The following LONP2 variants were observed in gnomAD, a reference collection of about 807,000 sequenced individuals.
LONP2 encodes the protein lon protease homolog 2, peroxisomal.
A neutral mutation model predicts 85.6 loss-of-function variants in LONP2; 60 were observed. That is an observed-to-expected ratio of 0.70 (90% CI 0.57 to 0.87). The LOEUF (loss-of-function observed/expected upper bound fraction) is 0.87, where lower values mean the gene tolerates loss of function less well. Among genes scored for constraint, LONP2 ranks in the 40% least tolerant of loss-of-function variants. The probability of loss-of-function intolerance (pLI) is 0.00; values close to 1 mark genes in which losing one functional copy is unlikely to be tolerated. For missense variants in LONP2, 860 were observed against 1,063.5 expected, an observed-to-expected ratio of 0.81 and a Z score of 2.66; for synonymous variants, 395 against 389.7, an observed-to-expected ratio of 1.01 and a Z score of -0.16.
At chr16:48,260,013 C>T (rs1291277731) in intron 4 of LONP2, among the ~76,000 whole-genome samples, 3 of 152,038 alleles carry the variant, frequency 2.0e-5, no homozygotes, top group Non-Finnish European at 2.9e-5. Flanking sequence ...TTTTTGTTCC[C>T]CTAAGAGTTG....
chr16:48,343,555 G>A (rs185510587), intron 12 of LONP2, among the ~76,000 whole-genome samples: 72 of 152,006 alleles, frequency 4.7e-4, no homozygotes, highest in African/African-American at 6.0e-4. Context: ...AAAATTAGCC[G>A]GGCATGGTGA....
chr16:48,351,563 T>G lies in LONP2; in HGVS notation c.2338-18T>G. On this transcript the variant is annotated intron_variant, in intron 14 of 14. Transcript: ENST00000285737. ...GAGGGTGATCATTAACCCTAAAAAC[T>G]TTTTTCTCTCCTTACAGGTGGGTGG... The G allele has an allele frequency of 6.2e-7, 1 of 1,607,252 alleles. No homozygotes were observed.
intron 8 of LONP2, among the ~76,000 whole-genome samples, chr16:48,290,482 G>A (rs1457314764): frequency 2.6e-5 from 4 of 152,134 alleles, no homozygotes; most frequent in Admixed American, 6.5e-5. Context: ...GATGCCAGTC[G>A]TGAGTTGACT....
intron 14 of LONP2, among the ~76,000 whole-genome samples, 155 bp from the exon 15 acceptor site, chr16:48,351,426 T>C (rs903293209): frequency 6.6e-6 from 1 of 152,234 alleles, no homozygotes; most frequent in African/African-American, 2.4e-5. Context: ...CTTATCCTTT[T>C]TCCTGGCTTT....
chr16:48,264,621 G>C (rs550478285), intron 6 of LONP2, among the ~76,000 whole-genome samples: 1 of 152,216 alleles, frequency 6.6e-6, no homozygotes, highest in South Asian at 2.1e-4. Flanking sequence ...ATCCTCCTTG[G>C]CTGACAGGAT....
Position 48,247,133 on chromosome 16 carries a change from C to A in LONP2, c.233+2512C>A, listed in dbSNP as rs566791590. 2.6e-5 allele frequency among the ~76,000 whole-genome samples: 4 copies of A among 152,386 alleles called. No homozygotes were observed. In the East Asian group the frequency reaches 7.7e-4, roughly 29 times the overall value. ...AAGTATTGTTTGCTACTTAAAAAGC[C>A]TATGTGGAAAGATTGTACCATATTC... On this transcript the variant is annotated intron_variant, in intron 1 of 14. Coordinates refer to ENST00000285737, the MANE Select transcript of LONP2 (RefSeq NM_031490.5).
intron 6 of LONP2, among the ~76,000 whole-genome samples, chr16:48,265,544 T>G (rs1209195170): frequency 6.6e-6 from 1 of 151,474 alleles, no homozygotes; most frequent in East Asian, 1.9e-4. Flanking sequence ...ACTTTATAGG[T>G]TTATTTCTGG....
intron 6 of LONP2, among the ~76,000 whole-genome samples, chr16:48,264,619 T>G (rs1971951388): frequency 6.6e-6 from 1 of 152,164 alleles, no homozygotes; most frequent in South Asian, 2.1e-4. Flanking sequence ...ACATCCTCCT[T>G]GGCTGACAGG....
rs115924041 is a variant in LONP2, at chr16:48,298,874, A to G, written c.1535-788A>G. 7.4e-3 allele frequency among the ~76,000 whole-genome samples: 1,130 copies of G among 151,916 alleles called. 14 individuals are homozygous for G. Among genetic ancestry groups the G allele is most frequent in the African/African-American group, 0.025 (1,052 of 41,422 alleles). Reference sequence around the variant, plus strand: ...TGTGAAAACGTTGGAAATTTTAACAATTATTGACTTAGATCAAATTTCTTT... The same window carrying G: ...TGTGAAAACGTTGGAAATTTTAACAGTTATTGACTTAGATCAAATTTCTTT... On this transcript the variant is annotated intron_variant, in intron 9 of 14. Coordinates refer to ENST00000285737, the MANE Select transcript of LONP2 (RefSeq NM_031490.5).
At chr16:48,359,120 G>GTCT (rs1960481413), downstream of LONP2, among the ~76,000 whole-genome samples, 1 of 151,914 alleles carries the variant, frequency 6.6e-6, no homozygotes, top group Non-Finnish European at 1.5e-5. Flanking sequence ...CCCTAATAGG[G>GTCT]TGTGCCATCA....
rs757066210 is a variant in LONP2, at chr16:48,261,488, A to G, written c.788A>G (p.Glu263Gly). The change falls in exon 5 of 15, where the codon GAA (glutamate) becomes GGA (glycine). Residue 263 changes from glutamate (E) to glycine (G), a missense_variant. Transcript: ENST00000285737. ...HISGTLEDEDEDEDNDDIVML... is the reference protein window; with the variant it reads ...HISGTLEDEDGDEDNDDIVML... ...TCAGGTACTTTAGAAGATGAAGATG[A>G]AGATGAAGATAATGATGACATTGTC... The G allele has an allele frequency of 3.1e-6, 5 of 1,608,904 alleles. No individual in the cohort carries two copies. The African/African-American group carries it at 5.4e-5, about 17-fold the overall frequency.
At chr16:48,305,047 G>A (rs1972884575) in intron 11 of LONP2, among the ~76,000 whole-genome samples, 1 of 152,158 alleles carries the variant, frequency 6.6e-6, no homozygotes, top group Non-Finnish European at 1.5e-5. Context: ...AGCTTTCACA[G>A]AATCCTTCTG....
intron 1 of LONP2, among the ~76,000 whole-genome samples, chr16:48,249,514 C>T (rs1971570340): frequency 6.6e-6 from 1 of 152,158 alleles, no homozygotes. Context: ...ATGCTTTTCA[C>T]CCACAGTGTC....
intron 12 of LONP2, among the ~76,000 whole-genome samples, chr16:48,340,698 G>A (rs1035327229): frequency 6.6e-6 from 1 of 152,054 alleles, no homozygotes; most frequent in East Asian, 1.9e-4. Flanking sequence ...AGTGGCTCAC[G>A]CCTGTAAATC....
chr16:48,326,535 AGAT>A (rs772356632), intron 11 of LONP2, among the ~76,000 whole-genome samples: 1 of 152,280 alleles, frequency 6.6e-6, no homozygotes, highest in Admixed American at 6.5e-5. Flanking sequence ...TCTTGAATAA[AGAT>A]GATGATAGAT....
In LONP2 at chr16:48,357,203, T is replaced by C. The variant is rs1960404178; in HGVS notation, c.*5401T>C. On this transcript the variant is annotated 3_prime_UTR_variant, in exon 15 of 15. Transcript: ENST00000285737. ...GGACCAGGCAGAGAAGGTATTTAAA[T>C]AAAAACTGGTAGATACAGAGTCAGA... The C allele has an allele frequency of 6.6e-6, 1 of 152,174 alleles. No homozygotes were observed. The highest frequency in any genetic ancestry group is 1.5e-5 in the Non-Finnish European group (1 of 68,044). The allele number at this position is 152,174 out of a possible 1,614,324, so 9.4% of individuals were successfully genotyped here. A position where few individuals can be genotyped will look rare whatever the true frequency, so the allele number is the denominator to read the frequency against.
chr16:48,302,860 G>A (rs925215717), intron 10 of LONP2, among the ~76,000 whole-genome samples: 3 of 152,166 alleles, frequency 2.0e-5, no homozygotes, highest in Admixed American at 6.5e-5. Flanking sequence ...AATTACCGAG[G>A]AGTAAATGGT....
chr16:48,360,976 A>C (rs1403723109), downstream of LONP2: 1 of 152,258 alleles, frequency 6.6e-6, no homozygotes, highest in Non-Finnish European at 1.5e-5. Flanking sequence ...ACACGTTATA[A>C]ATTTTTTACC....
chr16:48,334,136 T>G, intron 11 of LONP2, 80 bp from the exon 12 acceptor site: 1 of 1,377,720 alleles, frequency 7.3e-7, no homozygotes, highest in Non-Finnish European at 1.0e-6. Context: ...CCACTGGGCT[T>G]TTGTTTGATA....
Sources: allele counts gnomAD v4.1 joint callset (sites outside exome capture counted in the v4.1 genomes callset), GRCh38; gene constraint gnomAD v4.1.1; transcripts MANE v1.5; gene names NCBI Gene and HGNC (gene_info 2026-07-23, HGNC 2026-07-21).